Variants in PLPPR1 observed in about 807,000 individuals in gnomAD.
PLPPR1 encodes phospholipid phosphatase related 1.
Under a neutral mutation model 33.1 loss-of-function variants are expected in PLPPR1, and 10 were observed. The observed-to-expected ratio is 0.30, with a 90% confidence interval of 0.19 to 0.51. The LOEUF (loss-of-function observed/expected upper bound fraction) is 0.51. PLPPR1 is among the 20% of genes least tolerant of loss of function. The probability of loss-of-function intolerance (pLI) is 0.97; values close to 1 mark genes in which losing one functional copy is unlikely to be tolerated. For synonymous variants in PLPPR1, 151 were observed against 151.0 expected (o/e 1.00, Z 0.00); for missense variants, 304 against 408.1 (o/e 0.74, Z 2.20).
chr9:101,068,473 T>A (rs1178675469), intron 1 of PLPPR1, among the ~76,000 whole-genome samples: 1 of 151,948 alleles, frequency 6.6e-6, no homozygotes, highest in Non-Finnish European at 1.5e-5. Context: ...TTTTCAATAT[T>A]TTTTTTCTCA....
At chr9:101,186,129 C>T (rs1051818795) in intron 2 of PLPPR1, among the ~76,000 whole-genome samples, 1 of 151,804 alleles carries the variant, frequency 6.6e-6, no homozygotes, top group African/African-American at 2.4e-5. Flanking sequence ...GTTTTTCCAG[C>T]ACCTTTTTGG....
rs1337818495 is a variant in PLPPR1 at position 101,078,050 on chromosome 9, C to G, written c.-46+48948C>G. Among the ~76,000 whole-genome samples, 8 of 138,364 alleles carry G rather than the reference C, an allele frequency of 5.8e-5. No homozygotes were observed. In the Admixed American group the frequency reaches 6.0e-4, roughly 10 times the overall value. 90.8% of individuals were successfully genotyped at this position (138,364 alleles called of 152,430 possible). On this transcript the variant is annotated intron_variant, in intron 1 of 7. Transcript: ENST00000374874. ...GAGGAGCTAGGAGAAAGTCAAATGG[C>G]TTTACCTGGAAGAAAAGAGAGTCTG...
intron 7 of PLPPR1, among the ~76,000 whole-genome samples, chr9:101,318,877 G>A (rs1333757473): frequency 6.6e-6 from 1 of 152,154 alleles, no homozygotes; most frequent in Non-Finnish European, 1.5e-5. Flanking sequence ...TGGATGAGTA[G>A]GAGTTCTTTA....
intron 1 of PLPPR1, among the ~76,000 whole-genome samples, chr9:101,151,996 T>C (rs1406478543): frequency 6.6e-6 from 1 of 152,238 alleles, no homozygotes; most frequent in African/African-American, 2.4e-5. Flanking sequence ...ATGGTTGAAC[T>C]AGTTTACAGT....
chr9:101,044,289 G>A (rs1830119427), intron 1 of PLPPR1, among the ~76,000 whole-genome samples: 1 of 152,168 alleles, frequency 6.6e-6, no homozygotes, highest in African/African-American at 2.4e-5. Flanking sequence ...CCTTGCTGCT[G>A]ACTCCTACTG....
intron 1 of PLPPR1, among the ~76,000 whole-genome samples, chr9:101,081,682 A>G (rs957266311): frequency 6.6e-6 from 1 of 152,220 alleles, no homozygotes; most frequent in African/African-American, 2.4e-5. Flanking sequence ...TCTGTGTTAC[A>G]TATCGACATG....
chr9:101,037,180 T>C (rs1057134290), intron 1 of PLPPR1, among the ~76,000 whole-genome samples: 8 of 152,094 alleles, frequency 5.3e-5, no homozygotes, highest in African/African-American at 1.9e-4. Flanking sequence ...TCTTTTTCCA[T>C]TCATCAATAA....
intron 2 of PLPPR1, among the ~76,000 whole-genome samples, chr9:101,240,139 T>C (rs977706554): frequency 5.3e-5 from 8 of 152,040 alleles, no homozygotes; most frequent in African/African-American, 1.9e-4. Context: ...CTGCATCACT[T>C]ATTGAAGAGG....
intron 1 of PLPPR1, among the ~76,000 whole-genome samples, chr9:101,128,522 T>C (rs1831275135): frequency 6.6e-6 from 1 of 152,220 alleles, no homozygotes; most frequent in African/African-American, 2.4e-5. Flanking sequence ...ATGGTAGACC[T>C]GAACTTTCTT....
intron 1 of PLPPR1, among the ~76,000 whole-genome samples, chr9:101,083,615 A>G (rs1483773756): frequency 1.3e-5 from 2 of 152,040 alleles, no homozygotes; most frequent in Non-Finnish European, 2.9e-5. Flanking sequence ...TCAAAATGAC[A>G]TTGAAAATTA....
At chr9:101,108,544 A>C (rs1426282424) in intron 1 of PLPPR1, among the ~76,000 whole-genome samples, 3 of 152,262 alleles carry the variant, frequency 2.0e-5, no homozygotes, top group Non-Finnish European at 4.4e-5. Context: ...GTAACTAAGT[A>C]GTCATGCCAG....
At chr9:101,165,075 T>A (rs1330201862) in intron 1 of PLPPR1, among the ~76,000 whole-genome samples, 2 of 152,202 alleles carry the variant, frequency 1.3e-5, no homozygotes, top group Non-Finnish European at 2.9e-5. Context: ...GGCCAGATGC[T>A]GTGAGAGACA....
chr9:101,108,652 A>G (rs1831009954), intron 1 of PLPPR1, among the ~76,000 whole-genome samples: 1 of 152,204 alleles, frequency 6.6e-6, no homozygotes. Flanking sequence ...AAAAACCAAT[A>G]GCATTGTAAT....
Position 101,240,048 on chromosome 9 carries a change from T to C in PLPPR1, c.64-29832T>C, listed in dbSNP as rs114220139. Reference sequence around the variant, plus strand: ...TTTCAGGTCTTACATTTAAGTCTAATTCATTTTAAGTTGATTTTTGTAAAT... The same window carrying C: ...TTTCAGGTCTTACATTTAAGTCTAACTCATTTTAAGTTGATTTTTGTAAAT... On this transcript the variant is annotated intron_variant, in intron 2 of 7. Transcript: ENST00000374874. Among the ~76,000 whole-genome samples the C allele has an allele frequency of 6.5e-3, 983 of 152,190 alleles. 9 individuals carry two copies. Among genetic ancestry groups the C allele is most frequent in the African/African-American group, 0.022 (932 of 41,560 alleles).
rs1171222478 is a variant in PLPPR1 at position 101,205,659 on chromosome 9, C to A, written c.63+20102C>A. On this transcript the variant is annotated intron_variant, in intron 2 of 7. Coordinates refer to ENST00000374874, the MANE Select transcript of PLPPR1 (RefSeq NM_207299.2). Reference sequence around the variant, plus strand: ...TAACCACTTAAGAGCTCTGTCATGTCATAGACTAGCCTGCAACCTTAAAAC... The same window carrying A: ...TAACCACTTAAGAGCTCTGTCATGTAATAGACTAGCCTGCAACCTTAAAAC... 3.3e-5 allele frequency among the ~76,000 whole-genome samples: 5 copies of A among 152,122 alleles called. No individual in the cohort carries two copies. In the South Asian group the frequency reaches 1.0e-3, roughly 31 times the overall value.
chr9:101,148,020 G>T (rs1272593116), intron 1 of PLPPR1, among the ~76,000 whole-genome samples: 1 of 152,144 alleles, frequency 6.6e-6, no homozygotes, highest in African/African-American at 2.4e-5. Context: ...TTAGGAGAGG[G>T]TCCTACATGT....
At chr9:101,238,647 GGA>G (rs1827384357) in intron 2 of PLPPR1, among the ~76,000 whole-genome samples, 1 of 151,632 alleles carries the variant, frequency 6.6e-6, no homozygotes, top group Non-Finnish European at 1.5e-5. Flanking sequence ...AAAAATAGGA[GGA>G]GAGTGAGGGT....
At chr9:101,215,869 T>C (rs563665638) in intron 2 of PLPPR1, among the ~76,000 whole-genome samples, 1 of 152,328 alleles carries the variant, frequency 6.6e-6, no homozygotes, top group East Asian at 1.9e-4. Flanking sequence ...ATATGCCACA[T>C]TTCCTTTATC....
chr9:101,184,765 C>T (rs1826175976), intron 1 of PLPPR1, among the ~76,000 whole-genome samples: 2 of 152,046 alleles, frequency 1.3e-5, no homozygotes, highest in South Asian at 4.1e-4. Context: ...TAATGACAAT[C>T]TGCTATTGCC....
Sources: gnomAD v4.1 joint callset for allele counts (sites outside exome capture counted in the v4.1 genomes callset) on GRCh38, gnomAD v4.1.1 for gene constraint, MANE v1.5 for transcripts, NCBI Gene and HGNC (gene_info 2026-07-23, HGNC 2026-07-21) for gene names.